Variants in CHL1 observed in about 807,000 individuals in gnomAD.
The protein encoded by CHL1 is cell adhesion molecule L1 like, also known as neural cell adhesion molecule L1-like protein.
In CHL1, 96 loss-of-function variants were observed where a neutral mutation model predicts 141.9. The ratio of observed to expected loss-of-function variants is 0.68; its 90% CI spans 0.57 to 0.80. The LOEUF (loss-of-function observed/expected upper bound fraction) is 0.80, where lower values mean the gene tolerates loss of function less well. Ranked by LOEUF, CHL1 falls within the 30% of genes least tolerant of loss-of-function variation. The pLI is 0.00. For synonymous variants in CHL1, 613 were observed against 502.2 expected, an observed-to-expected ratio of 1.22 and a Z score of -2.95; for missense variants, 1,820 against 1,457.2, an observed-to-expected ratio of 1.25 and a Z score of -4.05.
intron 1 of CHL1, among the ~76,000 whole-genome samples, chr3:215,826 A>G (rs2124938615): frequency 1.3e-5 from 2 of 152,230 alleles, no homozygotes; most frequent in East Asian, 3.9e-4. Flanking sequence ...GACTTTTGGG[A>G]AAGATACATT....
Position 319,864 on chromosome 3 carries a change from T to G in CHL1, c.88T>G (p.Ser30Ala), listed in dbSNP as rs116261368. ...KFSKAIEIPSSVQQVPTIIKQ... is the reference protein window; with the variant it reads ...KFSKAIEIPSAVQQVPTIIKQ... ...CTCAAAAGCAATTGAAATACCATCT[T>G]CAGGTAAAGTTAAAACATTCAGTGC... Residue 30 changes from serine to alanine, a missense_variant, in exon 3 of 28, where the codon TCA becomes GCA. Physicochemically the swap from Ser to Ala is moderately conservative, Grantham distance 99 (BLOSUM62 1). Coordinates refer to ENST00000256509, the MANE Select transcript of CHL1 (RefSeq NM_006614.4). The G allele has an allele frequency of 2.0e-3, 3,194 of 1,559,796 alleles. 44 individuals are homozygous for G. The African/African-American group carries it at 0.03, about 15-fold the overall frequency.
intron 10 of CHL1, among the ~76,000 whole-genome samples, chr3:351,502 A>T (rs1373070578): frequency 6.6e-6 from 1 of 152,120 alleles, no homozygotes; most frequent in Non-Finnish European, 1.5e-5. Context: ...AATCATCTGG[A>T]TGGATGAGCT....
At chr3:260,398 A>G (rs1694607550) in intron 2 of CHL1, among the ~76,000 whole-genome samples, 2 of 152,230 alleles carry the variant, frequency 1.3e-5, no homozygotes, top group Admixed American at 6.5e-5. Context: ...TCAACTGCAT[A>G]TTACTGGCCA....
chr3:242,566 A>G (rs143824420), intron 1 of CHL1, among the ~76,000 whole-genome samples: 5,585 of 152,008 alleles, frequency 0.037, 155 homozygotes, highest in Non-Finnish European at 0.056. Context: ...ACTGCACTCC[A>G]GCCTGGGTAA....
intron 5 of CHL1, among the ~76,000 whole-genome samples, chr3:338,158 G>C (rs10490841): frequency 0.03 from 4,517 of 152,178 alleles, 186 homozygotes; most frequent in African/African-American, 0.098. Flanking sequence ...TGCTTAGCTA[G>C]ACTGTTATGT....
intron 2 of CHL1, among the ~76,000 whole-genome samples, chr3:249,334 G>A (rs963308354): frequency 1.3e-5 from 2 of 152,002 alleles, no homozygotes; most frequent in African/African-American, 4.8e-5. Flanking sequence ...CATGCACAAA[G>A]ATCAAAGATT....
intron 1 of CHL1, among the ~76,000 whole-genome samples, chr3:239,525 ATAC>A (rs1437751610): frequency 4.6e-5 from 7 of 151,736 alleles, no homozygotes; most frequent in Non-Finnish European, 5.9e-5. Flanking sequence ...GGAACTATGA[ATAC>A]TACTATTAAT....
intron 15 of CHL1, among the ~76,000 whole-genome samples, chr3:366,846 C>A (rs1473057706): frequency 6.6e-6 from 1 of 152,218 alleles, no homozygotes; most frequent in Non-Finnish European, 1.5e-5. Flanking sequence ...GTGAGTCCTG[C>A]CACTGCCACC....
At chr3:383,672 T>G in intron 18 of CHL1, 144 bp from the exon 19 acceptor site, 1 of 510,854 alleles carries the variant, frequency 2.0e-6, no homozygotes, top group South Asian at 3.0e-5. Flanking sequence ...ACCTTAAATC[T>G]TTTTAGGAAC....
intron 26 of CHL1, among the ~76,000 whole-genome samples, chr3:400,215 C>T (rs894665399): frequency 1.3e-5 from 2 of 152,140 alleles, no homozygotes; most frequent in Non-Finnish European, 1.5e-5. Flanking sequence ...TTATTGGGAA[C>T]CCGTCATCTA....
chr3:371,242 G>A (rs4432627), intron 15 of CHL1, among the ~76,000 whole-genome samples: 44,075 of 151,856 alleles, frequency 0.29, 6,899 homozygotes, highest in East Asian at 0.43. Context: ...GAGTCTCAGT[G>A]TCTTTGTATG....
At chr3:230,052 G>A (rs1701722381) in intron 1 of CHL1, among the ~76,000 whole-genome samples, 1 of 152,120 alleles carries the variant, frequency 6.6e-6, no homozygotes, top group Admixed American at 6.6e-5. Flanking sequence ...TGTACAAAGT[G>A]GGTACTTAAA....
chr3:282,724 C>A (rs532480256), intron 2 of CHL1: 1 of 152,304 alleles, frequency 6.6e-6, no homozygotes, highest in South Asian at 2.1e-4. Flanking sequence ...TGCATGTCAT[C>A]TTTGCCCAAG....
chr3:383,983 A>T (rs1444618464), intron 19 of CHL1, 97 bp downstream of exon 19: 2 of 748,818 alleles, frequency 2.7e-6, no homozygotes, highest in Non-Finnish European at 4.4e-6. Context: ...TTTTTTTAAG[A>T]ACAAAGATAA....
intron 26 of CHL1, among the ~76,000 whole-genome samples, chr3:400,293 C>T (rs543322814): frequency 2.0e-4 from 31 of 152,182 alleles, no homozygotes; most frequent in African/African-American, 7.2e-4. Context: ...TGGAGTTATG[C>T]GTTTCACTTT....
At chr3:198,964 G>T (rs1233170505) in intron 1 of CHL1, among the ~76,000 whole-genome samples, 1 of 152,126 alleles carries the variant, frequency 6.6e-6, no homozygotes, top group South Asian at 2.1e-4. Context: ...GGAAACTTTT[G>T]GTGACAAGAA....
chr3:405,448 A>T (rs781162002), intron 27 of CHL1, 47 bp from the exon 28 acceptor site: 1 of 1,233,802 alleles, frequency 8.1e-7, no homozygotes, highest in Non-Finnish European at 1.2e-6. Flanking sequence ...TTACATGAAT[A>T]TTAATATTAG....
chr3:225,935 G>A (rs1177302126), intron 1 of CHL1, among the ~76,000 whole-genome samples: 1 of 151,778 alleles, frequency 6.6e-6, no homozygotes, highest in Non-Finnish European at 1.5e-5. Flanking sequence ...CTTGAACCTG[G>A]GAGGCGGAGC....
intron 1 of CHL1, among the ~76,000 whole-genome samples, chr3:204,340 C>T (rs1699223200): frequency 6.6e-6 from 1 of 152,232 alleles, no homozygotes; most frequent in South Asian, 2.1e-4. Context: ...AAATGTCAGT[C>T]TGGCAGCTGA....
Sources: allele counts gnomAD v4.1 joint callset (sites outside exome capture counted in the v4.1 genomes callset), GRCh38; gene constraint gnomAD v4.1.1; transcripts MANE v1.5; gene names NCBI Gene and HGNC (gene_info 2026-07-23, HGNC 2026-07-21).